Variants in PCDH15 observed in about 807,000 individuals in gnomAD.
The protein encoded by PCDH15 is protocadherin-15.
Under a neutral mutation model 178.5 loss-of-function variants are expected in PCDH15, and 129 were observed. The ratio of observed to expected loss-of-function variants is 0.72; its 90% CI spans 0.63 to 0.84. The LOEUF is 0.84. PCDH15 is among the 40% of genes least tolerant of loss of function. The pLI is 0.00. For synonymous variants in PCDH15, 800 were observed against 732.0 expected, an observed-to-expected ratio of 1.09 and a Z score of -1.50; for missense variants, 2,230 against 2,099.9, an observed-to-expected ratio of 1.06 and a Z score of -1.21.
At chr10:55,027,644 C>T (rs4636569) in intron 2 of PCDH15, among the ~76,000 whole-genome samples, 69,072 of 151,080 alleles carry the variant, frequency 0.46, 17,596 homozygotes, top group East Asian at 0.74. Flanking sequence ...CTTCCCCTGT[C>T]ATAGGTATTC....
At chr10:55,383,174 C>A (rs548665759) in intron 2 of PCDH15, among the ~76,000 whole-genome samples, 1 of 152,076 alleles carries the variant, frequency 6.6e-6, no homozygotes, top group Admixed American at 6.6e-5. Flanking sequence ...AGAAGGGGAT[C>A]TTTTCCTGAA....
intron 1 of PCDH15, among the ~76,000 whole-genome samples, chr10:54,747,118 A>AGAAATAAAG (rs1945571932): frequency 6.6e-6 from 1 of 152,212 alleles, no homozygotes; most frequent in African/African-American, 2.4e-5. Flanking sequence ...AGCACATACC[A>AGAAATAAAG]CATTTCCAGA....
intron 2 of PCDH15, among the ~76,000 whole-genome samples, chr10:55,008,961 T>G (rs923914963): frequency 2.6e-5 from 4 of 152,084 alleles, no homozygotes; most frequent in Non-Finnish European, 5.9e-5. Flanking sequence ...TCTGATGAAT[T>G]GTCAACCTTA....
chr10:54,126,179 T>G (rs927439272), intron 15 of PCDH15, among the ~76,000 whole-genome samples: 1 of 151,710 alleles, frequency 6.6e-6, no homozygotes, highest in Non-Finnish European at 1.5e-5. Context: ...CAACTGATTC[T>G]CCTGCCTTTG....
chr10:54,507,624 C>T (rs544929581), intron 3 of PCDH15, among the ~76,000 whole-genome samples: 1 of 151,888 alleles, frequency 6.6e-6, no homozygotes, highest in South Asian at 2.1e-4. Context: ...TCACATCAAG[C>T]GGTAATGGTG....
At chr10:54,729,968 G>C (rs1943114574) in intron 1 of PCDH15, among the ~76,000 whole-genome samples, 1 of 151,414 alleles carries the variant, frequency 6.6e-6, no homozygotes, top group Non-Finnish European at 1.5e-5. Flanking sequence ...AATTTGTTCG[G>C]CCACTGTGGA....
chr10:55,235,058 C>T lies in PCDH15; in HGVS notation c.-155-68407G>A, dbSNP rs548045594. Among the ~76,000 whole-genome samples, 11 of 150,878 alleles carry T rather than the reference C, an allele frequency of 7.3e-5. No homozygotes were observed. The South Asian group carries it at 2.3e-3, about 32-fold the overall frequency. Reference sequence around the variant, plus strand: ...ATATACCACCTCAATATAAAAGTCACGAAATCCAGTTTTAAGTCGGAAAGA... The same window carrying T: ...ATATACCACCTCAATATAAAAGTCATGAAATCCAGTTTTAAGTCGGAAAGA... On this transcript the variant is annotated intron_variant, in intron 1 of 5. Transcript: ENST00000458638.
chr10:54,569,461 T>A (rs1262298896), intron 2 of PCDH15, among the ~76,000 whole-genome samples: 1 of 152,192 alleles, frequency 6.6e-6, no homozygotes, highest in Admixed American at 6.5e-5. Flanking sequence ...GATTTCTTTT[T>A]CCAAAATGTT....
intron 21 of PCDH15, among the ~76,000 whole-genome samples, chr10:53,991,119 C>T (rs1050633251): frequency 5.9e-5 from 9 of 152,130 alleles, no homozygotes; most frequent in African/African-American, 1.2e-4. Context: ...CCGCGCAGCC[C>T]GAGTCTCCCC....
chr10:54,125,426 G>A (rs1231579879), intron 15 of PCDH15, among the ~76,000 whole-genome samples: 6 of 152,140 alleles, frequency 3.9e-5, no homozygotes, highest in Non-Finnish European at 5.9e-5. Flanking sequence ...TTTTACTTTT[G>A]TTAAGAATCA....
intron 3 of PCDH15, among the ~76,000 whole-genome samples, chr10:54,897,113 G>A (rs1271369856): frequency 6.6e-6 from 1 of 152,180 alleles, no homozygotes; most frequent in Non-Finnish European, 1.5e-5. Flanking sequence ...TTCTGTGTAT[G>A]AATTGCTGCA....
At chr10:54,237,961 C>T (rs1455595203) in intron 8 of PCDH15, among the ~76,000 whole-genome samples, 7 of 152,094 alleles carry the variant, frequency 4.6e-5, no homozygotes, top group Admixed American at 3.9e-4. Flanking sequence ...TTTCAAGAAA[C>T]ACCCATTAAC....
intron 8 of PCDH15, among the ~76,000 whole-genome samples, chr10:54,288,519 T>A (rs1482683301): frequency 1.3e-5 from 2 of 152,206 alleles, no homozygotes; most frequent in South Asian, 2.1e-4. Flanking sequence ...GGTTGAATAG[T>A]GGGTGCAGCC....
At chr10:55,246,899 C>A (rs987294145) in intron 1 of PCDH15, among the ~76,000 whole-genome samples, 3 of 151,926 alleles carry the variant, frequency 2.0e-5, no homozygotes, top group Admixed American at 6.6e-5. Flanking sequence ...CAAAATATCC[C>A]CTTTGGTCTA....
At chr10:55,463,991 GAGAAAGAA>G (rs1225302628) in intron 2 of PCDH15, among the ~76,000 whole-genome samples, 2,366 of 21,014 alleles carry the variant, frequency 0.11, 352 homozygotes, top group Middle Eastern at 0.22. Flanking sequence ...AAGAAAGAAA[GAGAAAGAA>G]AGAAAGAAAG....
At chr10:54,545,770 A>G (rs1169628819) in intron 2 of PCDH15, among the ~76,000 whole-genome samples, 1 of 152,216 alleles carries the variant, frequency 6.6e-6, no homozygotes, top group Non-Finnish European at 1.5e-5. Flanking sequence ...ATTTAAACAC[A>G]CTCTGTAATT....
In PCDH15 at chr10:54,527,862, C is replaced by T. The variant is rs1218177692; in HGVS notation, c.107G>A (p.Arg36Lys). The part of the protein sequence containing the change: ...GQYDDDCKLA[R>K]GGPPATIVAI... ...AACTATGGTAGCTGGTGGTCCTCCC[C>T]TAGCTAGTTTGCAATCTAAAGAGAG... Residue 36 changes from arginine (R) to lysine (K), a missense_variant, in exon 3 of 38, where the codon AGG becomes AAG. Physicochemically the swap from Arg to Lys is conservative, Grantham distance 26. Coordinates refer to ENST00000644397, the MANE Select transcript of PCDH15 (RefSeq NM_001384140.1). 1.9e-6 allele frequency: 3 copies of T among 1,612,126 alleles called. No individual in the cohort carries two copies. Among genetic ancestry groups the T allele is most frequent in the African/African-American group, 1.3e-5 (1 of 74,818 alleles).
At chr10:54,473,514 TACTTA>T (rs1589599398) in intron 3 of PCDH15, among the ~76,000 whole-genome samples, 1 of 152,146 alleles carries the variant, frequency 6.6e-6, no homozygotes, top group Non-Finnish European at 1.5e-5. Context: ...AAGATTTTCC[TACTTA>T]ACTTCACAGT....
intron 26 of PCDH15, among the ~76,000 whole-genome samples, chr10:53,874,260 A>G (rs943273764): frequency 7.2e-5 from 11 of 152,148 alleles, no homozygotes; most frequent in Non-Finnish European, 1.0e-4. Context: ...CCTCCCCAGA[A>G]AGTTAAATTC....
Sources: allele counts gnomAD v4.1 joint callset (sites outside exome capture counted in the v4.1 genomes callset), GRCh38; gene constraint gnomAD v4.1.1; transcripts MANE v1.5; gene names NCBI Gene and HGNC (gene_info 2026-07-23, HGNC 2026-07-21).